Variants in TRMU observed in about 807,000 individuals in gnomAD.
The protein encoded by TRMU is tRNA mitochondrial 2-thiouridylase, also known as mitochondrial tRNA-specific 2-thiouridylase 1.
In TRMU, 49 loss-of-function variants were observed where a neutral mutation model predicts 46.9. The ratio of observed to expected loss-of-function variants is 1.05; its 90% CI spans 0.83 to 1.33. TRMU has a LOEUF of 1.33. Ranked by LOEUF, TRMU falls within the 40% of genes most tolerant of loss-of-function variation. The pLI is 0.00. For synonymous variants in TRMU, 241 were observed against 200.9 expected (o/e 1.20, Z -1.69); for missense variants, 572 against 532.4 (o/e 1.07, Z -0.73).
rs2078333660 is a variant in TRMU at position 46,349,029 on chromosome 22, C to T, written c.479-1262C>T. Among the ~76,000 whole-genome samples the T allele has an allele frequency of 6.6e-6, 1 of 151,822 alleles. No homozygotes were observed. The highest frequency in any genetic ancestry group is 1.5e-5 in the Non-Finnish European group (1 of 67,986). On this transcript the variant is annotated intron_variant, in intron 4 of 10. Transcript: ENST00000645190. The surrounding 1 kb of genome is among the most constrained non-coding windows in gnomAD (Gnocchi z 4.6). ...TGGCACATGCCTGTAGTCCCAGGTA[C>T]TCTGGAGGCTGAGACAGGAGAATCA...
In TRMU at chr22:46,342,942, G is replaced by C. The variant is rs2078159110; in HGVS notation, c.249-320G>C. 6.6e-6 allele frequency among the ~76,000 whole-genome samples: 1 copy of C among 152,252 alleles called. No individual in the cohort carries two copies. The highest frequency in any genetic ancestry group is 2.4e-5 in the African/African-American group (1 of 41,466). ...ATCTTCTCTTCCTCACCTAAGCCCT[G>C]CTGTGTTGGAGGAGTCCCAGAGGCA... On this transcript the variant is annotated intron_variant, in intron 2 of 10. Coordinates refer to ENST00000645190, the MANE Select transcript of TRMU (RefSeq NM_018006.5). This position sits in a 1 kb window ranked among gnomAD's most constrained non-coding sequence, Gnocchi z 4.7.
In TRMU at chr22:46,339,982, G is replaced by A. The variant is rs1440497993; in HGVS notation, c.248+2038G>A. On this transcript the variant is annotated intron_variant, in intron 2 of 10. Transcript: ENST00000645190. The surrounding 1 kb of genome is among the most constrained non-coding windows in gnomAD (Gnocchi z 4.8). ...CGGCCAAATACAGGATAAATCTGGG[G>A]GAAGACCAAAGGCAGAGAGTCTCAG... Among the ~76,000 whole-genome samples, 1 of 152,024 alleles carries A rather than the reference G, an allele frequency of 6.6e-6. No homozygotes were observed. Among genetic ancestry groups the A allele is most frequent in the East Asian group, 1.9e-4 (1 of 5,192 alleles).
rs1424524670 is a variant in TRMU, at chr22:46,355,465, G to A, written c.895G>A (p.Ala299Thr). 1.1e-5 allele frequency: 17 copies of A among 1,613,032 alleles called. No homozygotes were observed. Among genetic ancestry groups the A allele is most frequent in the Non-Finnish European group, 1.4e-5 (17 of 1,179,980 alleles). The change falls in exon 9 of 11, where the codon GCC becomes ACC. Residue 299 changes from alanine (A) to threonine (T), a missense_variant. Coordinates refer to ENST00000645190, the MANE Select transcript of TRMU (RefSeq NM_018006.5). ...GCAGGCCCCCCGGACAGACCACCCAGCCCTGTACAGGGACCTGCTGAGGAC... is the reference window on the plus strand; with the variant it reads ...GCAGGCCCCCCGGACAGACCACCCAACCCTGTACAGGGACCTGCTGAGGAC... ...VFVAPRTDHP[A>T]LYRDLLRTSR...
intron 7 of TRMU, 195 bp downstream of exon 7, chr22:46,352,525 A>G (rs1325418364): frequency 1.1e-5 from 7 of 658,850 alleles, no homozygotes; most frequent in African/African-American, 5.4e-5. Context: ...GCACTTCCAG[A>G]TGTGGCCTCA....
At chr22:46,355,320 G>T in intron 8 of TRMU, 124 bp from the exon 9 acceptor site, 1 of 1,419,526 alleles carries the variant, frequency 7.0e-7, no homozygotes, top group Non-Finnish European at 9.6e-7. Flanking sequence ...CACTTCGAGC[G>T]GTGCCAGCAC....
chr22:46,345,044 A>G (rs893532189), intron 3 of TRMU, among the ~76,000 whole-genome samples: 5 of 152,152 alleles, frequency 3.3e-5, no homozygotes, highest in African/African-American at 1.2e-4. Context: ...CACCTTTCAT[A>G]AAAGTCTCTT....
intron 2 of TRMU, among the ~76,000 whole-genome samples, chr22:46,341,134 T>C (rs2078112432): frequency 6.6e-6 from 1 of 152,270 alleles, no homozygotes; most frequent in Non-Finnish European, 1.5e-5. Context: ...TTCTTTCCAG[T>C]TAGAGAAGAG....
intron 7 of TRMU, chr22:46,352,859 G>C (rs1179087760): frequency 7.7e-6 from 2 of 260,776 alleles, no homozygotes; most frequent in Non-Finnish European, 1.5e-5. Context: ...GTCAGTCACA[G>C]TGTGCAGTCC....
intron 9 of TRMU, 168 bp downstream of exon 9, chr22:46,355,756 G>C: frequency 8.0e-7 from 1 of 1,257,120 alleles, no homozygotes; most frequent in East Asian, 2.5e-5. Context: ...TGCCCTGAGC[G>C]AGGCCTGGGG....
Position 46,335,742 on chromosome 22 carries a change from T to C in TRMU, c.-23T>C. 3 of 1,545,186 alleles carry C rather than the reference T, an allele frequency of 1.9e-6. No homozygotes were observed. The highest frequency in any genetic ancestry group is 1.7e-6 in the Non-Finnish European group (2 of 1,148,672). ...GCGCGGAAGCGGCGGTAGCTGCAGC[T>C]GGCGAAGTTGGGCGACTGGCGGATG... On this transcript the variant is annotated 5_prime_UTR_variant, in exon 1 of 11. Transcript: ENST00000645190.
rs756416967 is a variant in TRMU, at chr22:46,338,844, C to T, written c.248+900C>T. 6.6e-6 allele frequency among the ~76,000 whole-genome samples: 1 copy of T among 152,148 alleles called. No individual in the cohort carries two copies. Among genetic ancestry groups the T allele is most frequent in the Non-Finnish European group, 1.5e-5 (1 of 68,032 alleles). Reference sequence around the variant, plus strand: ...GGCGTCTGACACAGCAGGCCATGTGCGCGGGACAGGCTGCCCCTGCCTGAG... The same window carrying T: ...GGCGTCTGACACAGCAGGCCATGTGTGCGGGACAGGCTGCCCCTGCCTGAG... On this transcript the variant is annotated intron_variant, in intron 2 of 10. Transcript: ENST00000645190. This position sits in a 1 kb window ranked among gnomAD's most constrained non-coding sequence, Gnocchi z 4.5.
intron 3 of TRMU, 85 bp downstream of exon 3, chr22:46,343,453 A>G: frequency 2.0e-6 from 2 of 1,009,570 alleles, no homozygotes; most frequent in East Asian, 2.6e-5. Flanking sequence ...TGGTGCGATC[A>G]TGACTCACTG....
Position 46,336,126 on chromosome 22 carries a change from G to C in TRMU, c.82+280G>C, listed in dbSNP as rs2077969648. 1.5e-6 allele frequency: 2 copies of C among 1,344,068 alleles called. No individual in the cohort carries two copies. The highest frequency in any genetic ancestry group is 1.9e-6 in the Non-Finnish European group (2 of 1,048,312). The allele number at this position is 1,344,068 out of a possible 1,614,324, so 83.3% of individuals were successfully genotyped here. On this transcript the variant is annotated intron_variant, in intron 1 of 10. Coordinates refer to ENST00000645190, the MANE Select transcript of TRMU (RefSeq NM_018006.5). The surrounding 1 kb of genome is among the most constrained non-coding windows in gnomAD (Gnocchi z 4.1). The stretch of plus-strand genomic sequence containing the variant: ...CCCACAGTGAGAAGCCGGCGGGCCG[G>C]GGTGGGGTGGGGAGGGAAGGGTTTC...
chr22:46,348,026 A>G lies in TRMU; in HGVS notation c.478+1482A>G, dbSNP rs559240968. ...ACTTGAGCCCAGAGAAGAGCAGCCC[A>G]CTCCCGTAAGACAGCCCCCCATTTC... On this transcript the variant is annotated intron_variant, in intron 4 of 10. Transcript: ENST00000645190. The surrounding 1 kb of genome is among the most constrained non-coding windows in gnomAD (Gnocchi z 4.8). Among the ~76,000 whole-genome samples, 27 of 152,002 alleles carry G rather than the reference A, an allele frequency of 1.8e-4. No homozygotes were observed. Among genetic ancestry groups the G allele is most frequent in the African/African-American group, 5.8e-4 (24 of 41,444 alleles).
chr22:46,352,396 G>A, intron 7 of TRMU, 66 bp downstream of exon 7: 1 of 1,555,734 alleles, frequency 6.4e-7, no homozygotes, highest in South Asian at 1.1e-5. Flanking sequence ...AGCTCTGGGA[G>A]ACTAGACCAG....
At position 46,343,530 on chromosome 22, in the gene TRMU, C is replaced by T. The variant is rs59818143; in HGVS notation, c.355+162C>T. 0.022 allele frequency among the ~76,000 whole-genome samples: 3,315 copies of T among 152,194 alleles called. 117 individuals carry two copies. Among genetic ancestry groups the T allele is most frequent in the African/African-American group, 0.074 (3,054 of 41,508 alleles). On this transcript the variant is annotated intron_variant, in intron 3 of 10. Transcript: ENST00000645190. ...GCTCCTGAGTAGCTTGGACCACAGG[C>T]ATGCCACCATGGTGGCTAATTTTTT...
intron 8 of TRMU, chr22:46,354,872 G>C (rs1426588479): frequency 6.3e-6 from 1 of 159,736 alleles, no homozygotes; most frequent in Admixed American, 6.0e-5. Flanking sequence ...TCAATGGCCC[G>C]AGGCCATGGG....
rs115908438 is a variant in TRMU at position 46,351,094 on chromosome 22, G to A, written c.651+631G>A. On this transcript the variant is annotated intron_variant, in intron 5 of 10. Coordinates refer to ENST00000645190, the MANE Select transcript of TRMU (RefSeq NM_018006.5). This position sits in a 1 kb window ranked among gnomAD's most constrained non-coding sequence, Gnocchi z 6.4. ...AGTAGGGAATGGAGATGCCAAAAACGGCCTCAAAAGAAGTCACATGGAACC... is the reference window on the plus strand; with the variant it reads ...AGTAGGGAATGGAGATGCCAAAAACAGCCTCAAAAGAAGTCACATGGAACC... Among the ~76,000 whole-genome samples the A allele has an allele frequency of 3.9e-5, 6 of 152,252 alleles. No homozygotes were observed. The highest frequency in any genetic ancestry group is 9.6e-5 in the African/African-American group (4 of 41,538).
At chr22:46,340,804 G>A (rs2078102101) in intron 2 of TRMU, among the ~76,000 whole-genome samples, 1 of 152,232 alleles carries the variant, frequency 6.6e-6, no homozygotes, top group African/African-American at 2.4e-5. Flanking sequence ...AGTGCTTGCT[G>A]CCGCCTTCTG....
Sources: gnomAD v4.1 joint callset for allele counts (sites outside exome capture counted in the v4.1 genomes callset) on GRCh38, gnomAD v4.1.1 for gene constraint, Gnocchi (gnomAD v3.1) non-coding constraint, MANE v1.5 for transcripts, NCBI Gene and HGNC (gene_info 2026-07-23, HGNC 2026-07-21) for gene names.